CFAP77: variants seen among roughly 807,000 people sequenced by gnomAD.
The protein encoded by CFAP77 is cilia- and flagella-associated protein 77.
In CFAP77, 25 loss-of-function variants were observed where a neutral mutation model predicts 31.1. That is an observed-to-expected ratio of 0.80 (90% CI 0.59 to 1.12). The LOEUF is 1.12. Among genes scored for constraint, CFAP77 ranks in the 50% most tolerant of loss-of-function variants. The probability of loss-of-function intolerance (pLI) is 0.00; values close to 1 mark genes in which losing one functional copy is unlikely to be tolerated. For missense variants in CFAP77, 377 were observed against 397.3 expected (o/e 0.95, Z 0.44); for synonymous variants, 151 against 159.9 (o/e 0.94, Z 0.42).
intron 1 of CFAP77, among the ~76,000 whole-genome samples, chr9:132,459,739 TGTGA>T (rs368886976): frequency 0.043 from 6,416 of 150,554 alleles, 459 homozygotes; most frequent in African/African-American, 0.15. Context: ...TGTATATGTG[TGTGA>T]GTGTGTGTGT....
At position 132,485,985 on chromosome 9, in the gene CFAP77, CATATATATATATATATATATATAT is replaced by C. The variant is rs61265124; in HGVS notation, c.196-12677_196-12654del. On this transcript the variant is annotated intron_variant, in intron 1 of 5. Coordinates refer to ENST00000393216, the MANE Select transcript of CFAP77 (RefSeq NM_001282957.2). The stretch of plus-strand genomic sequence containing the variant: ...TGCTGGGATTTGAGAACACACACCT[CATATATATATATATATATATATAT>C]ATATATATATATATATATATATATA... Among the ~76,000 whole-genome samples the C allele has an allele frequency of 6.0e-3, 322 of 53,564 alleles. 11 individuals carry two copies. The highest frequency in any genetic ancestry group is 0.021 in the Middle Eastern group (2 of 94). 35.1% of individuals were successfully genotyped at this position (53,564 alleles called of 152,430 possible). A position where few individuals can be genotyped will look rare whatever the true frequency, so the allele number is the denominator to read the frequency against.
rs1851421070 is a variant in CFAP77 at position 132,480,154 on chromosome 9, C to T, written c.196-18541C>T. Among the ~76,000 whole-genome samples, 1 of 152,182 alleles carries T rather than the reference C, an allele frequency of 6.6e-6. No individual in the cohort carries two copies. Among genetic ancestry groups the T allele is most frequent in the East Asian group, 1.9e-4 (1 of 5,184 alleles). ...AGAGGAGAGGGGGCCTCCTCGGCTG[C>T]TCTCCTGGACCGCCCTCCCCAGGAG... On this transcript the variant is annotated intron_variant, in intron 1 of 5. Transcript: ENST00000393216. The surrounding 1 kb of genome is among the most constrained non-coding windows in gnomAD (Gnocchi z 5.8).
chr9:132,519,778 A>ATGGATGGATGGATGGATG (rs1852233553), intron 3 of CFAP77, among the ~76,000 whole-genome samples: 1 of 26,482 alleles, frequency 3.8e-5, no homozygotes. Context: ...ATGGGTGGAT[A>ATGGATGGATGGATGGATG]GATGGATGGA....
intron 1 of CFAP77, among the ~76,000 whole-genome samples, chr9:132,487,483 AG>A (rs1246164687): frequency 6.6e-6 from 1 of 152,214 alleles, no homozygotes; most frequent in Non-Finnish European, 1.5e-5. Context: ...AAATTATAAA[AG>A]TAAAACCTCA....
intron 1 of CFAP77, among the ~76,000 whole-genome samples, chr9:132,423,138 AG>A (rs1451099234): frequency 6.6e-6 from 1 of 152,164 alleles, no homozygotes; most frequent in African/African-American, 2.4e-5. Flanking sequence ...GTAGGCACCC[AG>A]GGGGCATAAA....
chr9:132,521,449 A>C (rs1313359345), intron 3 of CFAP77, among the ~76,000 whole-genome samples: 2 of 152,134 alleles, frequency 1.3e-5, no homozygotes, highest in Admixed American at 1.3e-4. Context: ...AGATTTGGAG[A>C]GGACAACCCA....
At chr9:132,493,255 A>G (rs1851678649) in intron 1 of CFAP77, among the ~76,000 whole-genome samples, 1 of 152,166 alleles carries the variant, frequency 6.6e-6, no homozygotes, top group Non-Finnish European at 1.5e-5. Flanking sequence ...GGGAAGTTCC[A>G]CTTCATCCTT....
intron 1 of CFAP77, among the ~76,000 whole-genome samples, chr9:132,423,963 G>T (rs755031945): frequency 3.3e-5 from 5 of 152,186 alleles, no homozygotes; most frequent in Admixed American, 6.5e-5. Flanking sequence ...TATCTGAAGG[G>T]TCAAGCTCAT....
intron 1 of CFAP77, among the ~76,000 whole-genome samples, chr9:132,418,113 G>T (rs139361943): frequency 2.0e-5 from 3 of 152,210 alleles, no homozygotes; most frequent in African/African-American, 7.2e-5. Flanking sequence ...TAACGTGGTC[G>T]GATTCAAATG....
chr9:132,569,892 C>A (rs1829935662), intron 5 of CFAP77, among the ~76,000 whole-genome samples: 1 of 152,086 alleles, frequency 6.6e-6, no homozygotes, highest in Non-Finnish European at 1.5e-5. Context: ...CCCACCACCA[C>A]ACCCAGCTAA....
intron 3 of CFAP77, among the ~76,000 whole-genome samples, chr9:132,525,655 C>T (rs1852345641): frequency 6.6e-6 from 1 of 152,106 alleles, no homozygotes; most frequent in African/African-American, 2.4e-5. Flanking sequence ...GTATTTAGTT[C>T]TTGCAGTTTT....
intron 3 of CFAP77, among the ~76,000 whole-genome samples, chr9:132,532,395 A>AT (rs1852468554): frequency 6.6e-6 from 1 of 152,220 alleles, no homozygotes; most frequent in Non-Finnish European, 1.5e-5. Context: ...ATAGGGCGAT[A>AT]GGGCAGGGTG....
chr9:132,414,410 A>G (rs10125557), intron 1 of CFAP77, among the ~76,000 whole-genome samples: 47,256 of 151,720 alleles, frequency 0.31, 10,014 homozygotes, highest in East Asian at 0.74. Context: ...CACGTTTATA[A>G]CTGTGCAGAT....
intron 3 of CFAP77, among the ~76,000 whole-genome samples, chr9:132,524,192 G>A (rs1852316240): frequency 6.6e-6 from 1 of 152,138 alleles, no homozygotes; most frequent in Non-Finnish European, 1.5e-5. Flanking sequence ...CCAGTAGTGT[G>A]TATATTCTCC....
At chr9:132,510,428 G>T (rs993991843) in intron 3 of CFAP77, among the ~76,000 whole-genome samples, 3 of 152,214 alleles carry the variant, frequency 2.0e-5, no homozygotes, top group African/African-American at 7.2e-5. Context: ...AATCAGAGGG[G>T]CTGCTAGGGT....
At chr9:132,513,027 A>T (rs1019804367) in intron 3 of CFAP77, among the ~76,000 whole-genome samples, 9 of 152,212 alleles carry the variant, frequency 5.9e-5, no homozygotes, top group African/African-American at 1.9e-4. Context: ...TTTAAAAAAA[A>T]TTTTAATTTT....
intron 5 of CFAP77, among the ~76,000 whole-genome samples, chr9:132,543,784 C>T (rs1265318244): frequency 2.6e-5 from 4 of 152,222 alleles, no homozygotes; most frequent in Non-Finnish European, 5.9e-5. Context: ...CCTCAGAACT[C>T]AACCGGTGTT....
At chr9:132,514,557 GCCCTTT>G (rs373329538) in intron 3 of CFAP77, among the ~76,000 whole-genome samples, 10 of 152,270 alleles carry the variant, frequency 6.6e-5, no homozygotes, top group African/African-American at 1.7e-4. Context: ...CCTGTTCTCA[GCCCTTT>G]CCATTTTGGC....
At chr9:132,557,571 TTCC>T (rs1852923938) in intron 5 of CFAP77, among the ~76,000 whole-genome samples, 1 of 152,088 alleles carries the variant, frequency 6.6e-6, no homozygotes, top group Admixed American at 6.5e-5. Context: ...TCCCAAAAGC[TTCC>T]TCCTTTTGCT....
Sources: gnomAD v4.1 joint callset for allele counts (sites outside exome capture counted in the v4.1 genomes callset) on GRCh38, gnomAD v4.1.1 for gene constraint, Gnocchi (gnomAD v3.1) non-coding constraint, MANE v1.5 for transcripts, NCBI Gene and HGNC (gene_info 2026-07-23, HGNC 2026-07-21) for gene names.